The following NBEA variants were observed in gnomAD, a reference collection of about 807,000 sequenced individuals.
NBEA encodes neurobeachin, also known as lysosomal-trafficking regulator 2.
A neutral mutation model predicts 343.4 loss-of-function variants in NBEA; 44 were observed. That is an observed-to-expected ratio of 0.13 (90% CI 0.10 to 0.16). NBEA has a LOEUF of 0.16. NBEA is among the 10% of genes least tolerant of loss of function. NBEA has a pLI of 1.00. For synonymous variants in NBEA, 1,175 were observed against 1,238.7 expected, an observed-to-expected ratio of 0.95 and a Z score of 1.08; for missense variants, 2,555 against 3,631.3, an observed-to-expected ratio of 0.70 and a Z score of 7.62.
At chr13:35,005,648 A>G (rs2061293195) in intron 1 of NBEA, among the ~76,000 whole-genome samples, 1 of 152,136 alleles carries the variant, frequency 6.6e-6, no homozygotes, top group African/African-American at 2.4e-5. Context: ...AAAGTGAAAC[A>G]GTTACTTACA....
intron 48 of NBEA, among the ~76,000 whole-genome samples, chr13:35,614,197 T>C (rs2082637486): frequency 6.6e-6 from 1 of 152,224 alleles, no homozygotes; most frequent in Non-Finnish European, 1.5e-5. Flanking sequence ...AATAGGATTA[T>C]TTGTTTCCTT....
At chr13:35,487,664 G>A (rs1434177088) in intron 41 of NBEA, among the ~76,000 whole-genome samples, 2 of 151,862 alleles carry the variant, frequency 1.3e-5, no homozygotes, top group African/African-American at 2.4e-5. Context: ...TGGTTAGAAC[G>A]CTCTTCCTAA....
At chr13:35,462,163 A>G (rs1385196042) in intron 40 of NBEA, among the ~76,000 whole-genome samples, 1 of 152,236 alleles carries the variant, frequency 6.6e-6, no homozygotes, top group Non-Finnish European at 1.5e-5. Context: ...AGTATCGGAT[A>G]TCAACTCTAT....
At chr13:35,111,129 A>T (rs1239672069) in intron 13 of NBEA, among the ~76,000 whole-genome samples, 151 bp downstream of exon 13, 1 of 152,196 alleles carries the variant, frequency 6.6e-6, no homozygotes, top group Non-Finnish European at 1.5e-5. Context: ...TGTTTGTGGT[A>T]AAGAAGTTTA....
chr13:35,020,104 C>A (rs2061786419), intron 1 of NBEA, among the ~76,000 whole-genome samples: 1 of 151,920 alleles, frequency 6.6e-6, no homozygotes, highest in Admixed American at 6.6e-5. Flanking sequence ...AACCTAAGGT[C>A]ATTGAATTGA....
intron 1 of NBEA, among the ~76,000 whole-genome samples, chr13:35,032,221 G>A (rs978779098): frequency 2.6e-5 from 4 of 151,600 alleles, no homozygotes; most frequent in Non-Finnish European, 4.4e-5. Context: ...TTGAGGAATC[G>A]CCATACTGCT....
chr13:35,386,640 G>A (rs2042254435), intron 38 of NBEA, among the ~76,000 whole-genome samples: 1 of 152,056 alleles, frequency 6.6e-6, no homozygotes, highest in Non-Finnish European at 1.5e-5. Context: ...ATTTCCCAAA[G>A]TATTTTTTAA....
chr13:35,335,416 CTG>C (rs1472665415), intron 36 of NBEA, among the ~76,000 whole-genome samples: 2 of 152,084 alleles, frequency 1.3e-5, no homozygotes, highest in Non-Finnish European at 2.9e-5. Context: ...TGCATTGAAT[CTG>C]TAGATTGCTC....
At chr13:35,645,355 ATT>A (rs969792423) in intron 49 of NBEA, among the ~76,000 whole-genome samples, 21 of 152,220 alleles carry the variant, frequency 1.4e-4, no homozygotes, top group Non-Finnish European at 3.1e-4. Flanking sequence ...TCAGAAAAAG[ATT>A]TTTGTTAGTC....
chr13:35,217,070 T>A (rs1157666011), intron 33 of NBEA, among the ~76,000 whole-genome samples: 2 of 151,980 alleles, frequency 1.3e-5, no homozygotes, highest in Non-Finnish European at 2.9e-5. Context: ...TTTTAAGCAT[T>A]CTGATAGTAT....
intron 31 of NBEA, among the ~76,000 whole-genome samples, chr13:35,207,061 A>AT (rs1464615365): frequency 6.6e-6 from 1 of 152,036 alleles, no homozygotes; most frequent in African/African-American, 2.4e-5. Context: ...TAGTGAAGAA[A>AT]TTTTTTGGCA....
chr13:35,661,693 A>G (rs1273688208), intron 55 of NBEA, among the ~76,000 whole-genome samples: 1 of 152,156 alleles, frequency 6.6e-6, no homozygotes, highest in Non-Finnish European at 1.5e-5. Context: ...CAAATTTCTA[A>G]CATAATATGT....
chr13:35,349,015 G>A (rs1392559952), intron 36 of NBEA, 93 bp from the exon 37 acceptor site: 8 of 445,242 alleles, frequency 1.8e-5, no homozygotes, highest in African/African-American at 1.4e-4. Flanking sequence ...TAAAACTTAT[G>A]TATATTTGAA....
rs2059065275 is a variant in NBEA at position 34,942,678 on chromosome 13, A to C, written c.-143A>C. 8.2e-6 allele frequency: 4 copies of C among 488,530 alleles called. No homozygotes were observed. Among genetic ancestry groups the C allele is most frequent in the African/African-American group, 4.1e-5 (2 of 49,182 alleles). 30.3% of individuals were successfully genotyped at this position (488,530 alleles called of 1,614,324 possible). On this transcript the variant is annotated 5_prime_UTR_variant, in exon 1 of 59. Transcript: ENST00000379939. ...GCCGGAGCGGGCCGGGCTGAGGCGCAGGCGGGGAGCGGGCCCGGCGCCGCG... is the reference window on the plus strand; with the variant it reads ...GCCGGAGCGGGCCGGGCTGAGGCGCCGGCGGGGAGCGGGCCCGGCGCCGCG...
intron 48 of NBEA, among the ~76,000 whole-genome samples, chr13:35,624,769 GATA>G (rs1416183283): frequency 4.6e-5 from 7 of 151,870 alleles, no homozygotes; most frequent in East Asian, 3.9e-4. Context: ...AATAAATTAA[GATA>G]ATAATAGAAA....
At chr13:35,278,600 A>G (rs1366023569) in intron 34 of NBEA, among the ~76,000 whole-genome samples, 1 of 152,236 alleles carries the variant, frequency 6.6e-6, no homozygotes, top group African/African-American at 2.4e-5. Flanking sequence ...ACATAATTAA[A>G]TAGAAATTTG....
At chr13:35,450,957 G>A (rs868252705) in intron 39 of NBEA, among the ~76,000 whole-genome samples, 3 of 152,194 alleles carry the variant, frequency 2.0e-5, no homozygotes, top group East Asian at 1.9e-4. Context: ...CAAAGCAGAT[G>A]TTTGAATGTA....
chr13:35,245,239 C>T (rs1431426900), intron 34 of NBEA, among the ~76,000 whole-genome samples: 1 of 152,016 alleles, frequency 6.6e-6, no homozygotes, highest in African/African-American at 2.4e-5. Flanking sequence ...TTGGTGAATT[C>T]TTATCTATTC....
chr13:35,033,271 C>A (rs973695598), intron 1 of NBEA, among the ~76,000 whole-genome samples: 2 of 151,752 alleles, frequency 1.3e-5, no homozygotes, highest in Admixed American at 6.6e-5. Flanking sequence ...TGTCTTTTCC[C>A]TAGTGTATGT....
Sources: gnomAD v4.1 joint callset for allele counts (sites outside exome capture counted in the v4.1 genomes callset) on GRCh38, gnomAD v4.1.1 for gene constraint, MANE v1.5 for transcripts, NCBI Gene and HGNC (gene_info 2026-07-23, HGNC 2026-07-21) for gene names.